Variants in NET1 observed in about 807,000 individuals in gnomAD.
The protein encoded by NET1 is neuroepithelial cell-transforming gene 1 protein.
In NET1, 42 loss-of-function variants were observed where a neutral mutation model predicts 61.1. That is an observed-to-expected ratio of 0.69 (90% CI 0.54 to 0.89). The LOEUF is 0.89. NET1 is among the 40% of genes least tolerant of loss of function. The probability of loss-of-function intolerance (pLI) is 0.00; values close to 1 mark genes in which losing one functional copy is unlikely to be tolerated. For synonymous variants in NET1, 254 were observed against 281.8 expected, an observed-to-expected ratio of 0.90 and a Z score of 0.99; for missense variants, 654 against 747.3, an observed-to-expected ratio of 0.88 and a Z score of 1.46.
At chr10:5,429,012 A>T (rs1010689762) in intron 2 of NET1, among the ~76,000 whole-genome samples, 158 bp from the exon 3 acceptor site, 1 of 151,428 alleles carries the variant, frequency 6.6e-6, no homozygotes, top group Non-Finnish European at 1.5e-5. Flanking sequence ...GAAATTACAG[A>T]CGTGAGCCAC....
rs1564463249 is a variant in NET1, at chr10:5,437,668, A to T, written c.255+8439A>T. ...TTTTCAACTCTGTATTTTCCCTAGTATTTTTTTTTTTAACCAACTATTGGG... is the reference window on the plus strand; with the variant it reads ...TTTTCAACTCTGTATTTTCCCTAGTTTTTTTTTTTTTAACCAACTATTGGG... On this transcript the variant is annotated intron_variant, in intron 3 of 11. Coordinates refer to ENST00000355029, the MANE Select transcript of NET1 (RefSeq NM_001047160.3). This position sits in a 1 kb window ranked among gnomAD's most constrained non-coding sequence, Gnocchi z 4.3. Among the ~76,000 whole-genome samples, 1 of 149,986 alleles carries T rather than the reference A, an allele frequency of 6.7e-6. No individual in the cohort carries two copies. The highest frequency in any genetic ancestry group is 2.4e-5 in the African/African-American group (1 of 41,032).
Position 5,426,871 on chromosome 10 carries a change from C to T in NET1, c.195+150C>T. Reference sequence around the variant, plus strand: ...ACCATCTTTGGCAGCCTAATTTAGTCCTTTTCTGCTAACAAGCTGTAATAA... The same window carrying T: ...ACCATCTTTGGCAGCCTAATTTAGTTCTTTTCTGCTAACAAGCTGTAATAA... On this transcript the variant is annotated intron_variant, in intron 2 of 11. Coordinates refer to ENST00000355029, the MANE Select transcript of NET1 (RefSeq NM_001047160.3). The surrounding 1 kb of genome is among the most constrained non-coding windows in gnomAD (Gnocchi z 4.6). 1 of 481,598 alleles carries T rather than the reference C, an allele frequency of 2.1e-6. No individual in the cohort carries two copies. Among genetic ancestry groups the T allele is most frequent in the African/African-American group, 2.0e-5 (1 of 50,484 alleles). 29.8% of individuals were successfully genotyped at this position (481,598 alleles called of 1,614,324 possible). A position where few individuals can be genotyped will look rare whatever the true frequency, so the allele number is the denominator to read the frequency against.
intron 3 of NET1, among the ~76,000 whole-genome samples, chr10:5,438,370 A>C (rs1367526531): frequency 6.6e-6 from 1 of 152,136 alleles, no homozygotes; most frequent in Non-Finnish European, 1.5e-5. Context: ...AAGAGAGAAG[A>C]CTCAAATTAG....
chr10:5,447,928 G>A lies in NET1; in HGVS notation c.256-3902G>A, dbSNP rs1323686113. On this transcript the variant is annotated intron_variant, in intron 3 of 11. Transcript: ENST00000355029. This position sits in a 1 kb window ranked among gnomAD's most constrained non-coding sequence, Gnocchi z 4.1. ...GCTGGCCTTTGTTTAGTATCAGCATGGGCTGTGTTTCTGCCTTACCTTTAT... is the reference window on the plus strand; with the variant it reads ...GCTGGCCTTTGTTTAGTATCAGCATAGGCTGTGTTTCTGCCTTACCTTTAT... Among the ~76,000 whole-genome samples, 2 of 152,164 alleles carry A rather than the reference G, an allele frequency of 1.3e-5. No homozygotes were observed. Among genetic ancestry groups the A allele is most frequent in the Admixed American group, 1.3e-4 (2 of 15,276 alleles).
At position 5,422,622 on chromosome 10, in the gene NET1, G is replaced by C. The variant is rs1043529569; in HGVS notation, c.129-4033G>C. Among the ~76,000 whole-genome samples the C allele has an allele frequency of 6.6e-6, 1 of 152,130 alleles. No individual in the cohort carries two copies. Among genetic ancestry groups the C allele is most frequent in the Non-Finnish European group, 1.5e-5 (1 of 68,038 alleles). On this transcript the variant is annotated intron_variant, in intron 1 of 11. Coordinates refer to ENST00000355029, the MANE Select transcript of NET1 (RefSeq NM_001047160.3). This position sits in a 1 kb window ranked among gnomAD's most constrained non-coding sequence, Gnocchi z 4.1. ...ACATTAGGATGTCTGGGGTGCTTTG[G>C]GGGTGGTGTTTGCTGGTTTCTAGAT...
rs1832419710 is a variant in NET1 at position 5,435,716 on chromosome 10, C to G, written c.255+6487C>G. 6.6e-6 allele frequency among the ~76,000 whole-genome samples: 1 copy of G among 152,056 alleles called. No individual in the cohort carries two copies. Among genetic ancestry groups the G allele is most frequent in the Admixed American group, 6.5e-5 (1 of 15,278 alleles). ...GATATCTTATATGAAGAATTTAATT[C>G]TGATGTCAATTGAATTTTCATGTTA... is the stretch of plus-strand genomic sequence containing the variant. On this transcript the variant is annotated intron_variant, in intron 3 of 11. Coordinates refer to ENST00000355029, the MANE Select transcript of NET1 (RefSeq NM_001047160.3). This position sits in a 1 kb window ranked among gnomAD's most constrained non-coding sequence, Gnocchi z 5.0.
chr10:5,449,620 T>A lies in NET1; in HGVS notation c.256-2210T>A, dbSNP rs1429819741. Among the ~76,000 whole-genome samples, 1 of 152,236 alleles carries A rather than the reference T, an allele frequency of 6.6e-6. No individual in the cohort carries two copies. Among genetic ancestry groups the A allele is most frequent in the African/African-American group, 2.4e-5 (1 of 41,458 alleles). On this transcript the variant is annotated intron_variant, in intron 3 of 11. Transcript: ENST00000355029. This position sits in a 1 kb window ranked among gnomAD's most constrained non-coding sequence, Gnocchi z 4.4. The stretch of plus-strand genomic sequence containing the variant: ...ATATATTTACATTCACTTATCTAAA[T>A]CTAAATTCTGTAGTTTTAAAATATC...
rs919589329 is a variant in NET1, at chr10:5,427,033, A to G, written c.195+312A>G. Among the ~76,000 whole-genome samples the G allele has an allele frequency of 1.3e-5, 2 of 152,084 alleles. No homozygotes were observed. The highest frequency in any genetic ancestry group is 2.9e-5 in the Non-Finnish European group (2 of 67,984). On this transcript the variant is annotated intron_variant, in intron 2 of 11. Coordinates refer to ENST00000355029, the MANE Select transcript of NET1 (RefSeq NM_001047160.3). The surrounding 1 kb of genome is among the most constrained non-coding windows in gnomAD (Gnocchi z 4.1). Reference sequence around the variant, plus strand: ...TATTATGAAACATGAAATTATTTTTATACATCCTCTACTGCCTTTTTTTCT... The same window carrying G: ...TATTATGAAACATGAAATTATTTTTGTACATCCTCTACTGCCTTTTTTTCT...
rs550938219 is a variant in NET1 at position 5,438,486 on chromosome 10, A to G, written c.255+9257A>G. Among the ~76,000 whole-genome samples the G allele has an allele frequency of 3.3e-5, 5 of 152,298 alleles. No homozygotes were observed. The South Asian group carries it at 1.0e-3, about 32-fold the overall frequency. The stretch of plus-strand genomic sequence containing the variant: ...ATAATTGTATGCCAACAAATGGATA[A>G]TCTAGATGAAATGGACAAATTCCTA... On this transcript the variant is annotated intron_variant, in intron 3 of 11. Coordinates refer to ENST00000355029, the MANE Select transcript of NET1 (RefSeq NM_001047160.3).
chr10:5,434,050 A>G (rs2073872104), intron 3 of NET1, among the ~76,000 whole-genome samples: 1 of 152,190 alleles, frequency 6.6e-6, no homozygotes, highest in African/African-American at 2.4e-5. Flanking sequence ...CTGTAGAGAC[A>G]TGATTCTACT....
Position 5,427,129 on chromosome 10 carries a change from C to A in NET1, c.195+408C>A, listed in dbSNP as rs571191270. On this transcript the variant is annotated intron_variant, in intron 2 of 11. Coordinates refer to ENST00000355029, the MANE Select transcript of NET1 (RefSeq NM_001047160.3). The surrounding 1 kb of genome is among the most constrained non-coding windows in gnomAD (Gnocchi z 4.1). The stretch of plus-strand genomic sequence containing the variant: ...TTTAATATATATAATGAATGATTTT[C>A]TGCTATTAATCATCTCAGCATAGAG... Among the ~76,000 whole-genome samples the A allele has an allele frequency of 5.5e-4, 83 of 151,884 alleles. No individual in the cohort carries two copies. The highest frequency in any genetic ancestry group is 3.4e-3 in the Middle Eastern group (1 of 294).
At position 5,435,871 on chromosome 10, in the gene NET1, A is replaced by G. The variant is rs1003256290; in HGVS notation, c.255+6642A>G. Reference sequence around the variant, plus strand: ...TATACAATTATTCATTTTTAAAAGAACACAGTATTAGTTTTCCAAATGTGT... The same window carrying G: ...TATACAATTATTCATTTTTAAAAGAGCACAGTATTAGTTTTCCAAATGTGT... On this transcript the variant is annotated intron_variant, in intron 3 of 11. Coordinates refer to ENST00000355029, the MANE Select transcript of NET1 (RefSeq NM_001047160.3). This position sits in a 1 kb window ranked among gnomAD's most constrained non-coding sequence, Gnocchi z 5.0. Among the ~76,000 whole-genome samples, 12 of 152,072 alleles carry G rather than the reference A, an allele frequency of 7.9e-5. No homozygotes were observed. The highest frequency in any genetic ancestry group is 1.5e-4 in the Non-Finnish European group (10 of 68,016).
chr10:5,443,161 G>T lies in NET1; in HGVS notation c.256-8669G>T, dbSNP rs1044769111. Among the ~76,000 whole-genome samples the T allele has an allele frequency of 6.6e-6, 1 of 152,094 alleles. No homozygotes were observed. Among genetic ancestry groups the T allele is most frequent in the African/African-American group, 2.4e-5 (1 of 41,420 alleles). ...GTGTGTCTCAGAACATGTGCTAAAG[G>T]TTTTATATGGGTTATCTTCATCTGG... On this transcript the variant is annotated intron_variant, in intron 3 of 11. Transcript: ENST00000355029. This position sits in a 1 kb window ranked among gnomAD's most constrained non-coding sequence, Gnocchi z 4.8.
intron 1 of NET1, among the ~76,000 whole-genome samples, chr10:5,413,726 T>A (rs530419486): frequency 5.3e-5 from 8 of 152,316 alleles, no homozygotes; most frequent in African/African-American, 1.9e-4. Flanking sequence ...CTTAGATGGT[T>A]TCCAAGAATG....
rs1832551100 is a variant in NET1, at chr10:5,443,111, G to A, written c.256-8719G>A. ...AAACTTAGGTCTACTGTTAACTTAG[G>A]TCACTAACATATACTGAGCACCTAG... On this transcript the variant is annotated intron_variant, in intron 3 of 11. Transcript: ENST00000355029. The surrounding 1 kb of genome is among the most constrained non-coding windows in gnomAD (Gnocchi z 4.8). Among the ~76,000 whole-genome samples, 1 of 152,104 alleles carries A rather than the reference G, an allele frequency of 6.6e-6. No individual in the cohort carries two copies. The highest frequency in any genetic ancestry group is 2.1e-4 in the South Asian group (1 of 4,830).
Position 5,415,889 on chromosome 10 carries a change from G to A in NET1, c.128+3069G>A, listed in dbSNP as rs545462268. Among the ~76,000 whole-genome samples, 301 of 152,290 alleles carry A rather than the reference G, an allele frequency of 2.0e-3. 1 individual carries two copies. The highest frequency in any genetic ancestry group is 2.2e-3 in the Non-Finnish European group (147 of 68,026). On this transcript the variant is annotated intron_variant, in intron 1 of 11. Coordinates refer to ENST00000355029, the MANE Select transcript of NET1 (RefSeq NM_001047160.3). This position sits in a 1 kb window ranked among gnomAD's most constrained non-coding sequence, Gnocchi z 4.7. ...ATGATGTGCTTCGAAGCACAAAAAT[G>A]TTTTAGTTTGTAGTCCTACTTGTCT...
rs1452253143 is a variant in NET1 at position 5,456,958 on chromosome 10, C to G, written c.1755C>G (p.Ala585=). The change falls in exon 12 of 12, where the codon GCC becomes GCG. Residue 585 remains alanine, a synonymous_variant. Transcript: ENST00000355029. This position sits in a 1 kb window ranked among gnomAD's most constrained non-coding sequence, Gnocchi z 7.0. ...QPGIRRARDK[A]LSGGKRKETL... The stretch of plus-strand genomic sequence containing the variant: ...GCATCCGAAGAGCGAGGGACAAAGC[C>G]CTTTCTGGTGGCAAACGGAAAGAGA... The G allele has an allele frequency of 6.3e-7, 1 of 1,578,958 alleles. No homozygotes were observed. The highest frequency in any genetic ancestry group is 1.2e-5 in the South Asian group (1 of 86,596).
At chr10:5,414,692 G>A (rs1007016730) in intron 1 of NET1, among the ~76,000 whole-genome samples, 1 of 152,204 alleles carries the variant, frequency 6.6e-6, no homozygotes, top group Non-Finnish European at 1.5e-5. Context: ...AAATTCCCTT[G>A]ATGTGCTGTG....
rs1476302622 is a variant in NET1 at position 5,451,584 on chromosome 10, GA to G, written c.256-244del. Among the ~76,000 whole-genome samples the G allele has an allele frequency of 6.6e-6, 1 of 150,456 alleles. No homozygotes were observed. The highest frequency in any genetic ancestry group is 1.9e-4 in the East Asian group (1 of 5,180). ...ATTTTAGGATGTAATTTCCTTGTTT[GA>G]ATTTTAATTTTTTCCCCTATTGGAA... is the stretch of plus-strand genomic sequence containing the variant. On this transcript the variant is annotated intron_variant, in intron 3 of 11. Coordinates refer to ENST00000355029, the MANE Select transcript of NET1 (RefSeq NM_001047160.3). This position sits in a 1 kb window ranked among gnomAD's most constrained non-coding sequence, Gnocchi z 6.1.
Sources: gnomAD v4.1 joint callset for allele counts (sites outside exome capture counted in the v4.1 genomes callset) on GRCh38, gnomAD v4.1.1 for gene constraint, Gnocchi (gnomAD v3.1) non-coding constraint, MANE v1.5 for transcripts, NCBI Gene and HGNC (gene_info 2026-07-23, HGNC 2026-07-21) for gene names.